Variants in UMAD1 observed in about 807,000 individuals in gnomAD.
UMAD1 encodes UBAP1-MVB12-associated (UMA) domain containing 1, also known as UBAP1-MVB12-associated (UMA)-domain containing protein 1.
Under a neutral mutation model 6.1 loss-of-function variants are expected in UMAD1, and 8 were observed. That is an observed-to-expected ratio of 1.30 (90% CI 0.76 to 2.35). The LOEUF is 2.35. Among genes scored for constraint, UMAD1 ranks in the 30% most tolerant of loss-of-function variants. The pLI is 0.00. For synonymous variants in UMAD1, 56 were observed against 31.4 expected, an observed-to-expected ratio of 1.78 and a Z score of -2.61; for missense variants, 130 against 78.4, an observed-to-expected ratio of 1.66 and a Z score of -2.49.
intron 2 of UMAD1, among the ~76,000 whole-genome samples, chr7:7,731,564 A>T (rs1781256599): frequency 6.6e-6 from 1 of 151,008 alleles, no homozygotes; most frequent in South Asian, 2.1e-4. Flanking sequence ...ATTCTGGAGA[A>T]TTATGCCAAA....
chr7:7,855,560 T>C (rs1053974576), intron 3 of UMAD1, among the ~76,000 whole-genome samples: 27 of 152,116 alleles, frequency 1.8e-4, no homozygotes, highest in African/African-American at 6.5e-4. Context: ...GGGCACCAAA[T>C]CCCAAGGCTG....
rs554927739 is a variant in UMAD1 at position 7,805,859 on chromosome 7, C to T, written c.156+4116C>T. Among the ~76,000 whole-genome samples, 65 of 152,172 alleles carry T rather than the reference C, an allele frequency of 4.3e-4. No individual in the cohort carries two copies. In the Middle Eastern group the frequency reaches 0.014, roughly 32 times the overall value. On this transcript the variant is annotated intron_variant, in intron 3 of 3. Transcript: ENST00000682710. Reference sequence around the variant, plus strand: ...CCTTCCCCCAGTCACTGTCACATAACTCTGTCTTATTTTCTCCATTACACT... The same window carrying T: ...CCTTCCCCCAGTCACTGTCACATAATTCTGTCTTATTTTCTCCATTACACT...
chr7:7,656,307 T>A lies in UMAD1; in HGVS notation c.-64+15486T>A, dbSNP rs568522168. Among the ~76,000 whole-genome samples, 1,177 of 151,942 alleles carry A rather than the reference T, an allele frequency of 7.7e-3. 13 individuals are homozygous for A. The highest frequency in any genetic ancestry group is 0.026 in the African/African-American group (1,076 of 41,438). Reference sequence around the variant, plus strand: ...TTAGTAAAGAACTTGTTCATGTATTTAAAAAAATTTTTTTTTTGTTTTATT... The same window carrying A: ...TTAGTAAAGAACTTGTTCATGTATTAAAAAAAATTTTTTTTTTGTTTTATT... On this transcript the variant is annotated intron_variant, in intron 1 of 3. Coordinates refer to ENST00000682710, the MANE Select transcript of UMAD1 (RefSeq NM_001302348.2).
At chr7:7,662,442 G>T (rs1785498124) in intron 1 of UMAD1, among the ~76,000 whole-genome samples, 1 of 152,202 alleles carries the variant, frequency 6.6e-6, no homozygotes, top group Non-Finnish European at 1.5e-5. Flanking sequence ...GTCCGTGGTG[G>T]CATAGGCACC....
chr7:7,816,902 C>G (rs1783139680), intron 3 of UMAD1, among the ~76,000 whole-genome samples: 1 of 152,144 alleles, frequency 6.6e-6, no homozygotes, highest in Non-Finnish European at 1.5e-5. Context: ...TCCATTCACC[C>G]ACAAATCTGA....
chr7:7,805,756 T>C (rs1473050643), intron 3 of UMAD1, among the ~76,000 whole-genome samples: 1 of 152,166 alleles, frequency 6.6e-6, no homozygotes, highest in Non-Finnish European at 1.5e-5. Context: ...TTGCTAGTCA[T>C]TTTTTAAACC....
At chr7:7,714,227 A>C (rs903025232) in intron 2 of UMAD1, among the ~76,000 whole-genome samples, 1 of 152,234 alleles carries the variant, frequency 6.6e-6, no homozygotes, top group Admixed American at 6.5e-5. Context: ...ACCTCCACTT[A>C]TATGACTTTG....
chr7:7,855,384 C>A (rs1783996621), intron 3 of UMAD1, among the ~76,000 whole-genome samples: 3 of 152,262 alleles, frequency 2.0e-5, no homozygotes, highest in Admixed American at 2.0e-4. Flanking sequence ...TCCATACATC[C>A]TTTGAAATCT....
At chr7:7,651,768 G>A (rs1457684358) in intron 1 of UMAD1, among the ~76,000 whole-genome samples, 1 of 152,140 alleles carries the variant, frequency 6.6e-6, no homozygotes, top group Non-Finnish European at 1.5e-5. Flanking sequence ...GTGGAAATTG[G>A]GTCTTCCGAG....
chr7:7,837,812 A>G (rs1188302027), intron 3 of UMAD1, among the ~76,000 whole-genome samples: 3 of 152,166 alleles, frequency 2.0e-5, no homozygotes, highest in African/African-American at 7.2e-5. Flanking sequence ...AGCTTTAAAA[A>G]TCTAAATACA....
chr7:7,847,103 AAATATATATATATATATATATAT>A (rs1195027522), intron 3 of UMAD1, among the ~76,000 whole-genome samples: 294 of 20,756 alleles, frequency 0.014, 38 homozygotes, highest in East Asian at 0.051. Flanking sequence ...AAAAAAAAAA[AAATATATATATATATATATATAT>A]ATATATATAT....
At chr7:7,820,986 G>A (rs1783229841) in intron 3 of UMAD1, among the ~76,000 whole-genome samples, 3 of 152,164 alleles carry the variant, frequency 2.0e-5, no homozygotes, top group Admixed American at 2.0e-4. Context: ...AGTTTAATAT[G>A]TTAAGTACTA....
At chr7:7,780,412 A>ATG in intron 2 of UMAD1, among the ~76,000 whole-genome samples, 1 of 152,310 alleles carries the variant, frequency 6.6e-6, no homozygotes, top group South Asian at 2.1e-4. Context: ...TTATGCACAG[A>ATG]TATTTTATAG....
At chr7:7,744,597 T>TG (rs1202540612) in intron 2 of UMAD1, among the ~76,000 whole-genome samples, 2 of 151,796 alleles carry the variant, frequency 1.3e-5, no homozygotes, top group Non-Finnish European at 2.9e-5. Flanking sequence ...GTTACTGTTT[T>TG]TTTTTTTTTT....
intron 2 of UMAD1, among the ~76,000 whole-genome samples, chr7:7,728,685 G>T (rs1194200967): frequency 6.6e-6 from 1 of 151,694 alleles, no homozygotes; most frequent in Non-Finnish European, 1.5e-5. Context: ...GTTGATCCAT[G>T]GATTAAATAA....
intron 2 of UMAD1, among the ~76,000 whole-genome samples, chr7:7,730,530 G>C (rs147175683): frequency 6.6e-6 from 1 of 152,186 alleles, no homozygotes; most frequent in Non-Finnish European, 1.5e-5. Context: ...TACTTGCCTA[G>C]TTCATTCTTA....
At chr7:7,872,989 T>G (rs79071249) in intron 3 of UMAD1, among the ~76,000 whole-genome samples, 2 of 152,356 alleles carry the variant, frequency 1.3e-5, no homozygotes, top group East Asian at 3.9e-4. Flanking sequence ...AAACTTCATC[T>G]AAACCCAAAT....
chr7:7,745,804 C>T (rs1322665256), intron 2 of UMAD1, among the ~76,000 whole-genome samples: 2 of 152,286 alleles, frequency 1.3e-5, no homozygotes, highest in East Asian at 3.9e-4. Context: ...TTTCCATTCC[C>T]CCTCATTGGA....
intron 3 of UMAD1, among the ~76,000 whole-genome samples, chr7:7,853,701 A>G (rs1352644569): frequency 2.0e-5 from 3 of 152,140 alleles, no homozygotes; most frequent in African/African-American, 7.2e-5. Flanking sequence ...ATAGTATTTT[A>G]ATGAATTCCT....
Sources: gnomAD v4.1 joint callset for allele counts (sites outside exome capture counted in the v4.1 genomes callset) on GRCh38, gnomAD v4.1.1 for gene constraint, MANE v1.5 for transcripts, NCBI Gene and HGNC (gene_info 2026-07-23, HGNC 2026-07-21) for gene names.